Variants in RRM2 observed in about 807,000 individuals in gnomAD.
RRM2 encodes the protein ribonucleoside-diphosphate reductase subunit M2.
RRM2 carries 6 observed loss-of-function variants against 45.9 expected under a neutral mutation model. That is an observed-to-expected ratio of 0.13 (90% CI 0.07 to 0.26). The LOEUF (loss-of-function observed/expected upper bound fraction) is 0.26, where lower values mean the gene tolerates loss of function less well. Among genes scored for constraint, RRM2 ranks in the 10% least tolerant of loss-of-function variants. RRM2 has a pLI of 1.00. For synonymous variants in RRM2, 177 were observed against 173.0 expected (o/e 1.02, Z -0.18); for missense variants, 343 against 489.5 (o/e 0.70, Z 2.82).
At chr2:10,193,223 C>T (rs1219202582) in intron 3 of RRM2, among the ~76,000 whole-genome samples, 1 of 152,180 alleles carries the variant, frequency 6.6e-6, no homozygotes, top group East Asian at 1.9e-4. Flanking sequence ...GACTCACTTG[C>T]CCTTTAATGA....
At chr2:10,197,636 G>T (rs1004460847) in intron 3 of RRM2, among the ~76,000 whole-genome samples, 1 of 152,166 alleles carries the variant, frequency 6.6e-6, no homozygotes, top group East Asian at 1.9e-4. Context: ...CCAGGGGAGG[G>T]TGTTACTGAG....
chr2:10,189,315 A>G (rs1323246151), intron 3 of RRM2, among the ~76,000 whole-genome samples: 1 of 152,188 alleles, frequency 6.6e-6, no homozygotes. Context: ...GAAGTGATCT[A>G]GAGGGGAGAT....
intron 3 of RRM2, among the ~76,000 whole-genome samples, chr2:10,143,061 G>A (rs942623247): frequency 5.3e-5 from 8 of 152,306 alleles, no homozygotes; most frequent in African/African-American, 1.9e-4. Context: ...TTTTAGTAGA[G>A]ACAGAGTTTC....
chr2:10,196,520 GC>G (rs1376908413), intron 3 of RRM2, among the ~76,000 whole-genome samples: 1 of 152,104 alleles, frequency 6.6e-6, no homozygotes, highest in Non-Finnish European at 1.5e-5. Context: ...AGGTCAGTCT[GC>G]CCACCCAGGC....
chr2:10,129,532 A>T lies in RRM2; in HGVS notation c.*146A>T. ...TTTAAAACTGTGTAGCTACCTCACA[A>T]CCAGTCCTGTCTGTTTATAGTGCTG... On this transcript the variant is annotated 3_prime_UTR_variant, in exon 10 of 10. Coordinates refer to ENST00000304567, the MANE Select transcript of RRM2 (RefSeq NM_001034.4). This position sits in a 1 kb window ranked among gnomAD's most constrained non-coding sequence, Gnocchi z 4.8. The T allele has an allele frequency of 1.2e-6, 1 of 838,086 alleles. No individual in the cohort carries two copies. Among genetic ancestry groups the T allele is most frequent in the Non-Finnish European group, 1.9e-6 (1 of 535,700 alleles). The allele number at this position is 838,086 out of a possible 1,614,324, so 51.9% of individuals were successfully genotyped here. A position where few individuals can be genotyped will look rare whatever the true frequency, so the allele number is the denominator to read the frequency against.
downstream of RRM2, among the ~76,000 whole-genome samples, chr2:10,132,786 C>T (rs894344597): frequency 1.2e-4 from 18 of 152,144 alleles, no homozygotes; most frequent in African/African-American, 4.3e-4. Context: ...TGCACAAGTT[C>T]GGGGCAGCCA....
exon 4 of RRM2, chr2:10,210,724 C>G: frequency 1.3e-6 from 1 of 759,454 alleles, no homozygotes; most frequent in South Asian, 1.6e-5. Flanking sequence ...CAGGGTGGAG[C>G]ACTGTGGACT....
intron 3 of RRM2, among the ~76,000 whole-genome samples, chr2:10,181,391 A>T (rs1020664055): frequency 2.6e-5 from 4 of 152,182 alleles, no homozygotes; most frequent in Non-Finnish European, 5.9e-5. Context: ...CAAGGAACCA[A>T]CTTTAGGTTT....
Position 10,123,766 on chromosome 2 carries a change from G to A in RRM2, c.349G>A (p.Glu117Lys). ...CCTCTCCAAGGACATTCAGCACTGGGAATCCCTGAAACCCGAGGAGAGATA... is the reference window on the plus strand; with the variant it reads ...CCTCTCCAAGGACATTCAGCACTGGAAATCCCTGAAACCCGAGGAGAGATA... ...VDLSKDIQHW[E>K]SLKPEERYFI... The change falls in exon 4 of 10, where the codon GAA becomes AAA. Residue 117 changes from glutamate (E) to lysine (K), a missense_variant. Coordinates refer to ENST00000304567, the MANE Select transcript of RRM2 (RefSeq NM_001034.4). The A allele has an allele frequency of 6.2e-7, 1 of 1,611,474 alleles. No individual in the cohort carries two copies. Among genetic ancestry groups the A allele is most frequent in the Non-Finnish European group, 8.5e-7 (1 of 1,177,590 alleles).
chr2:10,141,220 A>G (rs371311707), upstream of RRM2, among the ~76,000 whole-genome samples: 2 of 152,108 alleles, frequency 1.3e-5, no homozygotes, highest in African/African-American at 4.8e-5. Flanking sequence ...TTGGAGCCCG[A>G]TGGACCCAGC....
intron 3 of RRM2, among the ~76,000 whole-genome samples, chr2:10,151,498 C>G: frequency 6.6e-6 from 1 of 152,062 alleles, no homozygotes; most frequent in East Asian, 1.9e-4. Flanking sequence ...TGGGGTTTCA[C>G]TATGTTGGCC....
chr2:10,190,062 G>A (rs1427542918), intron 3 of RRM2, among the ~76,000 whole-genome samples: 1 of 151,488 alleles, frequency 6.6e-6, no homozygotes, highest in Non-Finnish European at 1.5e-5. Flanking sequence ...GGTGATGGTG[G>A]TGGTGATGGT....
chr2:10,181,698 T>A (rs1388575489), intron 3 of RRM2, among the ~76,000 whole-genome samples: 1 of 151,630 alleles, frequency 6.6e-6, no homozygotes, highest in African/African-American at 2.4e-5. Context: ...TTCCTGGTGA[T>A]GTCCAGGTGG....
chr2:10,132,351 G>A (rs1679092812), downstream of RRM2, among the ~76,000 whole-genome samples: 1 of 152,138 alleles, frequency 6.6e-6, no homozygotes, highest in African/African-American at 2.4e-5. Context: ...TTGTTGGGCA[G>A]TGGTGGGGGC....
chr2:10,154,566 G>A (rs1663385783), intron 3 of RRM2, among the ~76,000 whole-genome samples: 2 of 151,508 alleles, frequency 1.3e-5, no homozygotes, highest in African/African-American at 4.9e-5. Flanking sequence ...CAGTCACAAA[G>A]CAAGCAAGTG....
In RRM2 at chr2:10,141,891, C is replaced by A. The variant is rs1465393719; in HGVS notation, n.298C>A. 5 of 1,572,472 alleles carry A rather than the reference C, an allele frequency of 3.2e-6. No homozygotes were observed. In the East Asian group the frequency reaches 1.2e-4, roughly 37 times the overall value. On this transcript the variant is annotated non_coding_transcript_exon_variant, in exon 2 of 4. Coordinates refer to the RRM2 transcript ENST00000381786. ...CGTGAAGTGCAAAGCAGATGGAGTC[C>A]AGGCCCTCGGGGAGACAGCACGCCA...
chr2:10,204,832 G>A lies in RRM2; in HGVS notation n.483-5479G>A, dbSNP rs1316411381. Reference sequence around the variant, plus strand: ...GCACTGAACGCCGAGGCCACGGCCCGTCCTGATGTGGTCAGAGATGTCGTC... The same window carrying A: ...GCACTGAACGCCGAGGCCACGGCCCATCCTGATGTGGTCAGAGATGTCGTC... On this transcript the variant is annotated intron_variant and non_coding_transcript_variant, in intron 3 of 3. Coordinates refer to the RRM2 transcript ENST00000381786. This position sits in a 1 kb window ranked among gnomAD's most constrained non-coding sequence, Gnocchi z 4.0. Among the ~76,000 whole-genome samples, 4 of 152,302 alleles carry A rather than the reference G, an allele frequency of 2.6e-5. No homozygotes were observed. The highest frequency in any genetic ancestry group is 4.1e-4 in the South Asian group (2 of 4,830).
In RRM2 at chr2:10,203,760, AATAC is replaced by A. The variant is rs3034307; in HGVS notation, n.483-6528_483-6525del. On this transcript the variant is annotated intron_variant and non_coding_transcript_variant, in intron 3 of 3. Coordinates refer to the RRM2 transcript ENST00000381786. Reference sequence around the variant, plus strand: ...AGTGAGACTCTGTCTCACAAAAATAAATACATACATACATACATACATACATGTG... The same window carrying A: ...AGTGAGACTCTGTCTCACAAAAATAAATACATACATACATACATACATGTG... Among the ~76,000 whole-genome samples the A allele has an allele frequency of 2.0e-4, 30 of 150,148 alleles. No individual in the cohort carries two copies. In the South Asian group the frequency reaches 4.3e-3, roughly 21 times the overall value.
In RRM2 at chr2:10,124,710, C is replaced by G. The variant is rs1395040412; in HGVS notation, c.436-7C>G. The G allele has an allele frequency of 6.2e-7, 1 of 1,611,170 alleles. No individual in the cohort carries two copies. Among genetic ancestry groups the G allele is most frequent in the African/African-American group, 1.3e-5 (1 of 74,826 alleles). On this transcript the variant is annotated splice_region_variant and splice_polypyrimidine_tract_variant and intron_variant, in intron 4 of 9. Transcript: ENST00000304567. ...TCAAGCTTAACTTTGATGTGTTTTG[C>G]CACTAGGTGGAGCGATTTAGCCAAG...
Sources: gnomAD v4.1 joint callset for allele counts (sites outside exome capture counted in the v4.1 genomes callset) on GRCh38, gnomAD v4.1.1 for gene constraint, Gnocchi (gnomAD v3.1) non-coding constraint, MANE v1.5 for transcripts, NCBI Gene and HGNC (gene_info 2026-07-23, HGNC 2026-07-21) for gene names.